The following FHOD3 variants were observed in gnomAD, a reference collection of about 807,000 sequenced individuals.
FHOD3 encodes the protein FH1/FH2 domain-containing protein 3.
In FHOD3, 90 loss-of-function variants were observed where a neutral mutation model predicts 173.0. The observed-to-expected ratio is 0.52, with a 90% CI of 0.44 to 0.62. The LOEUF (loss-of-function observed/expected upper bound fraction) is 0.62, where lower values mean the gene tolerates loss of function less well. Ranked by LOEUF, FHOD3 falls within the 20% of genes least tolerant of loss-of-function variation. The pLI is 0.00. For missense variants in FHOD3, 1,945 were observed against 2,034.7 expected (o/e 0.96, Z 0.85); for synonymous variants, 828 against 823.0 (o/e 1.01, Z -0.10).
intron 6 of FHOD3, among the ~76,000 whole-genome samples, chr18:36,581,963 T>G (rs1240787321): frequency 6.6e-6 from 1 of 151,770 alleles, no homozygotes; most frequent in East Asian, 1.9e-4. Context: ...AATGAAAAAA[T>G]AGAGACATTT....
chr18:36,594,158 C>G (rs886258886), intron 6 of FHOD3, among the ~76,000 whole-genome samples: 1 of 152,084 alleles, frequency 6.6e-6, no homozygotes, highest in Admixed American at 6.5e-5. Flanking sequence ...GTGACCTCCC[C>G]GAGGGTGCAT....
At chr18:36,437,668 T>TC (rs1169532291) in intron 3 of FHOD3, among the ~76,000 whole-genome samples, 197 of 116,550 alleles carry the variant, frequency 1.7e-3, no homozygotes, top group African/African-American at 2.3e-3. Flanking sequence ...TTTCTTTCTT[T>TC]TTTTTTTTTT....
chr18:36,379,816 G>T (rs2047644156), intron 3 of FHOD3, among the ~76,000 whole-genome samples: 1 of 152,186 alleles, frequency 6.6e-6, no homozygotes, highest in Non-Finnish European at 1.5e-5. Context: ...GAGTGCCTTT[G>T]GCTGTCCCCA....
At chr18:36,689,111 T>G (rs1049744402) in intron 16 of FHOD3, among the ~76,000 whole-genome samples, 11 of 152,218 alleles carry the variant, frequency 7.2e-5, no homozygotes, top group African/African-American at 2.7e-4. Context: ...GTTAGTTTTC[T>G]TCTTGAATAA....
At chr18:36,665,189 G>T (rs546831699) in intron 14 of FHOD3, among the ~76,000 whole-genome samples, 1 of 152,206 alleles carries the variant, frequency 6.6e-6, no homozygotes, top group African/African-American at 2.4e-5. Context: ...GACTAAATAA[G>T]TTTTATTGTT....
intron 10 of FHOD3, among the ~76,000 whole-genome samples, chr18:36,638,545 C>T (rs1312623914): frequency 2.0e-5 from 3 of 152,120 alleles, no homozygotes; most frequent in Non-Finnish European, 2.9e-5. Context: ...AGAGTGGCAG[C>T]AGGGACATAG....
chr18:36,405,009 G>T (rs12232760), intron 3 of FHOD3, among the ~76,000 whole-genome samples: 1 of 152,050 alleles, frequency 6.6e-6, no homozygotes, highest in Admixed American at 6.5e-5. Context: ...TTTTCCAGGT[G>T]ATCCTACCAG....
chr18:36,778,519 G>C (rs758841633), intron 28 of FHOD3: 3 of 152,208 alleles, frequency 2.0e-5, no homozygotes, highest in Non-Finnish European at 4.4e-5. Context: ...GGGTGAGGCA[G>C]CTACCTCCTC....
chr18:36,468,145 G>GTCT (rs1568311508), intron 3 of FHOD3, among the ~76,000 whole-genome samples: 1 of 151,894 alleles, frequency 6.6e-6, no homozygotes. Context: ...AGCAAGGGTC[G>GTCT]AATGCTGACC....
chr18:36,672,894 A>T (rs1217749999), intron 14 of FHOD3, among the ~76,000 whole-genome samples: 1 of 152,152 alleles, frequency 6.6e-6, no homozygotes, highest in Non-Finnish European at 1.5e-5. Flanking sequence ...TTAAAAGTGA[A>T]ACTAGTGTAC....
chr18:36,394,536 C>G (rs1203350428), intron 3 of FHOD3, among the ~76,000 whole-genome samples: 1 of 152,144 alleles, frequency 6.6e-6, no homozygotes, highest in Non-Finnish European at 1.5e-5. Flanking sequence ...ACTTACAGAT[C>G]TAAGTGTATT....
At chr18:36,681,634 A>T (rs1216435086) in intron 15 of FHOD3, 64 bp downstream of exon 15, 1 of 1,520,378 alleles carries the variant, frequency 6.6e-7, no homozygotes, top group African/African-American at 1.4e-5. Context: ...GTGACTTTAC[A>T]ACTGTATACA....
At chr18:36,391,850 T>A (rs1161557334) in intron 3 of FHOD3, among the ~76,000 whole-genome samples, 2 of 152,150 alleles carry the variant, frequency 1.3e-5, no homozygotes, top group Non-Finnish European at 2.9e-5. Flanking sequence ...TGTTGGTGCC[T>A]CCCCTGTGTC....
chr18:36,645,580 A>G (rs1293817161), intron 10 of FHOD3, among the ~76,000 whole-genome samples: 2 of 152,070 alleles, frequency 1.3e-5, no homozygotes, highest in Non-Finnish European at 2.9e-5. Context: ...CAATCCCTCT[A>G]CCTACCTCTT....
chr18:36,487,830 A>G (rs1378967282), intron 3 of FHOD3, among the ~76,000 whole-genome samples: 2 of 152,190 alleles, frequency 1.3e-5, no homozygotes, highest in African/African-American at 4.8e-5. Context: ...TTACCAGAGG[A>G]CACACAGCCT....
Position 36,526,511 on chromosome 18 carries a change from C to T in FHOD3, c.511+13968C>T, listed in dbSNP as rs1253283092. Among the ~76,000 whole-genome samples the T allele has an allele frequency of 4.6e-5, 7 of 152,076 alleles. No homozygotes were observed. In the South Asian group the frequency reaches 6.2e-4, roughly 14 times the overall value. On this transcript the variant is annotated intron_variant, in intron 5 of 28. Transcript: ENST00000590592. The stretch of plus-strand genomic sequence containing the variant: ...CACAATCTTTGCTCACTGCAACCTC[C>T]GCCTCCTGCGTTCCAGCGATTCTCC...
chr18:36,697,663 G>C (rs1022551493), intron 17 of FHOD3, among the ~76,000 whole-genome samples: 2 of 152,148 alleles, frequency 1.3e-5, no homozygotes, highest in African/African-American at 4.8e-5. Context: ...ATATGGCCAT[G>C]GCCTACTCAC....
chr18:36,461,144 C>T (rs1237406310), intron 3 of FHOD3, among the ~76,000 whole-genome samples: 2 of 152,100 alleles, frequency 1.3e-5, no homozygotes, highest in African/African-American at 2.4e-5. Context: ...TCAGATACAC[C>T]TCTGTTTCTG....
At chr18:36,540,148 G>C (rs1473261304) in intron 5 of FHOD3, among the ~76,000 whole-genome samples, 1 of 152,168 alleles carries the variant, frequency 6.6e-6, no homozygotes, top group South Asian at 2.1e-4. Context: ...GCCTTTAAGA[G>C]GGGAAAATTC....
Sources: gnomAD v4.1 joint callset for allele counts (sites outside exome capture counted in the v4.1 genomes callset) on GRCh38, gnomAD v4.1.1 for gene constraint, MANE v1.5 for transcripts, NCBI Gene and HGNC (gene_info 2026-07-23, HGNC 2026-07-21) for gene names.